The following LCLAT1 variants were observed in gnomAD, a reference collection of about 807,000 sequenced individuals.
LCLAT1 encodes 1-AGP acyltransferase 8.
Under a neutral mutation model 30.7 loss-of-function variants are expected in LCLAT1, and 11 were observed. The observed-to-expected ratio is 0.36, with a 90% confidence interval of 0.23 to 0.59. The LOEUF (loss-of-function observed/expected upper bound fraction) is 0.59. Ranked by LOEUF, LCLAT1 falls within the 20% of genes least tolerant of loss-of-function variation. The pLI is 0.77. For synonymous variants in LCLAT1, 155 were observed against 151.3 expected, an observed-to-expected ratio of 1.02 and a Z score of -0.18; for missense variants, 402 against 458.6, an observed-to-expected ratio of 0.88 and a Z score of 1.13.
At chr2:30,455,061 C>G (rs1211822874) in intron 1 of LCLAT1, among the ~76,000 whole-genome samples, 1 of 152,168 alleles carries the variant, frequency 6.6e-6, no homozygotes, top group African/African-American at 2.4e-5. Flanking sequence ...GTAGGCTAAT[C>G]TTCAGGGAAC....
chr2:30,477,906 A>AT (rs1365029521), intron 1 of LCLAT1, among the ~76,000 whole-genome samples: 1 of 151,894 alleles, frequency 6.6e-6, no homozygotes, highest in Non-Finnish European at 1.5e-5. Flanking sequence ...AAATTTTACG[A>AT]TTTTCCTTCT....
intron 1 of LCLAT1, among the ~76,000 whole-genome samples, chr2:30,511,877 C>G (rs1390962770): frequency 6.6e-6 from 1 of 152,180 alleles, no homozygotes; most frequent in African/African-American, 2.4e-5. Context: ...ACCTAATCCT[C>G]TTTATTTTGG....
In LCLAT1 at chr2:30,640,756, C is replaced by A; in HGVS notation, c.*137C>A. 1 of 1,137,310 alleles carries A rather than the reference C, an allele frequency of 8.8e-7. No individual in the cohort carries two copies. The highest frequency in any genetic ancestry group is 1.2e-6 in the Non-Finnish European group (1 of 826,410). The allele number at this position is 1,137,310 out of a possible 1,614,324, so 70.5% of individuals were successfully genotyped here. A position where few individuals can be genotyped will look rare whatever the true frequency, so the allele number is the denominator to read the frequency against. ...CATTATTTGTTAAAGATATTTTGCA[C>A]TTAATTTTGTGGGAAAAATATTGCT... On this transcript the variant is annotated 3_prime_UTR_variant, in exon 6 of 6. Coordinates refer to ENST00000379509, the MANE Select transcript of LCLAT1 (RefSeq NM_001002257.3).
intron 1 of LCLAT1, among the ~76,000 whole-genome samples, chr2:30,474,223 C>G (rs928114181): frequency 1.3e-5 from 2 of 152,166 alleles, no homozygotes; most frequent in Non-Finnish European, 2.9e-5. Context: ...GGGAGAAGCT[C>G]AGGAGGACAA....
At chr2:30,449,656 A>C (rs943569576) in intron 1 of LCLAT1, among the ~76,000 whole-genome samples, 2 of 151,916 alleles carry the variant, frequency 1.3e-5, no homozygotes, top group African/African-American at 4.8e-5. Context: ...ATGTGCCACT[A>C]CGCCTGGCTA....
chr2:30,477,156 T>C (rs1183703890), intron 1 of LCLAT1, among the ~76,000 whole-genome samples: 1 of 152,224 alleles, frequency 6.6e-6, no homozygotes, highest in East Asian at 1.9e-4. Context: ...TAGGTTTCTT[T>C]TGATTTTCAG....
chr2:30,535,966 T>C (rs548708111), intron 3 of LCLAT1, among the ~76,000 whole-genome samples: 80 of 151,898 alleles, frequency 5.3e-4, no homozygotes, highest in African/African-American at 1.9e-3. Flanking sequence ...ATGGTAGATA[T>C]CATAAAAAAG....
At position 30,640,196 on chromosome 2, in the gene LCLAT1, A is replaced by G; in HGVS notation, c.708A>G (p.Gln236=). The G allele has an allele frequency of 6.2e-7, 1 of 1,614,122 alleles. No homozygotes were observed. Among genetic ancestry groups the G allele is most frequent in the Non-Finnish European group, 8.5e-7 (1 of 1,179,964 alleles). Residue 236 remains glutamine (Q), a synonymous_variant, in exon 6 of 6, where the codon CAA becomes CAG. Coordinates refer to ENST00000379509, the MANE Select transcript of LCLAT1 (RefSeq NM_001002257.3). ...NIPQSEKHLL[Q]GDFPREIHFH... is the part of the protein sequence containing the mutation. ...CTCAATCAGAGAAGCACCTCCTCCA[A>G]GGAGACTTTCCCAGGGAAATCCACT... is the stretch of plus-strand genomic sequence containing the variant.
intron 1 of LCLAT1, among the ~76,000 whole-genome samples, chr2:30,519,478 G>A (rs1685365767): frequency 6.6e-6 from 1 of 152,108 alleles, no homozygotes; most frequent in Non-Finnish European, 1.5e-5. Context: ...ACAGCACTTG[G>A]GTTTTCCTGT....
intron 1 of LCLAT1, among the ~76,000 whole-genome samples, chr2:30,519,960 T>C (rs1365318938): frequency 1.3e-5 from 2 of 152,210 alleles, no homozygotes; most frequent in Non-Finnish European, 2.9e-5. Context: ...TCCGCTGCGC[T>C]TCTGATCCGG....
chr2:30,551,834 A>G (rs1427289343), intron 3 of LCLAT1, among the ~76,000 whole-genome samples: 1 of 152,130 alleles, frequency 6.6e-6, no homozygotes, highest in Non-Finnish European at 1.5e-5. Context: ...AAAAAAATTT[A>G]TTTTTAATTT....
chr2:30,558,009 A>C (rs553102956), intron 3 of LCLAT1, among the ~76,000 whole-genome samples: 1 of 152,342 alleles, frequency 6.6e-6, no homozygotes, highest in South Asian at 2.1e-4. Flanking sequence ...GAAATGTATC[A>C]ATCATGAACT....
intron 5 of LCLAT1, among the ~76,000 whole-genome samples, chr2:30,610,485 G>A (rs147476106): frequency 1.4e-4 from 21 of 152,208 alleles, no homozygotes; most frequent in Middle Eastern, 3.4e-3. Context: ...TCAAGGTCTG[G>A]TGGAAATTGT....
At chr2:30,578,467 C>T (rs1401840873) in intron 5 of LCLAT1, among the ~76,000 whole-genome samples, 1 of 152,028 alleles carries the variant, frequency 6.6e-6, no homozygotes, top group Non-Finnish European at 1.5e-5. Flanking sequence ...GCACTGATCT[C>T]CTTAGAAGTT....
intron 2 of LCLAT1, among the ~76,000 whole-genome samples, chr2:30,528,840 GT>G (rs1254868994): frequency 6.6e-6 from 1 of 152,070 alleles, no homozygotes; most frequent in Admixed American, 6.6e-5. Flanking sequence ...GACAGAGAAA[GT>G]TTTTTTAGTT....
chr2:30,494,968 T>A (rs569794157), intron 1 of LCLAT1, among the ~76,000 whole-genome samples: 14 of 151,034 alleles, frequency 9.3e-5, no homozygotes, highest in Admixed American at 2.0e-4. Context: ...TTTTTTTTTT[T>A]AATTTTTGAA....
At chr2:30,601,675 C>A (rs78753182) in intron 5 of LCLAT1, among the ~76,000 whole-genome samples, 1 of 3,184 alleles carries the variant, frequency 3.1e-4, no homozygotes, top group African/African-American at 0.016. Flanking sequence ...AATAGATGCA[C>A]TTTAAAACAA....
chr2:30,634,250 T>TCA (rs543340707), intron 5 of LCLAT1, among the ~76,000 whole-genome samples: 2 of 152,200 alleles, frequency 1.3e-5, no homozygotes, highest in African/African-American at 2.4e-5. Context: ...TTTCCAATAG[T>TCA]CACAGTGTCT....
chr2:30,532,213 A>G (rs1172967136), intron 2 of LCLAT1, among the ~76,000 whole-genome samples: 2 of 152,016 alleles, frequency 1.3e-5, no homozygotes, highest in Non-Finnish European at 2.9e-5. Flanking sequence ...ATCTACTTTC[A>G]TTGTTGTATC....
Sources: gnomAD v4.1 joint callset for allele counts (sites outside exome capture counted in the v4.1 genomes callset) on GRCh38, gnomAD v4.1.1 for gene constraint, MANE v1.5 for transcripts, NCBI Gene and HGNC (gene_info 2026-07-23, HGNC 2026-07-21) for gene names.